FBXO17: variants seen among roughly 807,000 people sequenced by gnomAD.
FBXO17 encodes F-box protein 17.
FBXO17 carries 43 observed loss-of-function variants against 34.1 expected under a neutral mutation model. The ratio of observed to expected loss-of-function variants is 1.26; its 90% CI spans 0.99 to 1.62. FBXO17 has a LOEUF of 1.62. FBXO17 is among the 40% of genes most tolerant of loss of function. The pLI is 0.00. For missense variants in FBXO17, 424 were observed against 386.7 expected (o/e 1.10, Z -0.81); for synonymous variants, 169 against 166.0 (o/e 1.02, Z -0.14).
At chr19:38,947,808 C>T (rs944283796) in intron 3 of FBXO17, among the ~76,000 whole-genome samples, 5 of 151,882 alleles carry the variant, frequency 3.3e-5, no homozygotes, top group Admixed American at 2.0e-4. Context: ...AAGAGATCCT[C>T]CCACTTCGGC....
chr19:38,943,471 TG>T (rs557014333), intron 5 of FBXO17, among the ~76,000 whole-genome samples: 312 of 151,876 alleles, frequency 2.1e-3, no homozygotes, highest in Middle Eastern at 3.4e-3. Flanking sequence ...ACGGGGGTTT[TG>T]CCATGTTGGT....
chr19:38,972,342 C>T (rs1190181568), intron 1 of FBXO17, among the ~76,000 whole-genome samples: 5 of 152,080 alleles, frequency 3.3e-5, no homozygotes, highest in Non-Finnish European at 5.9e-5. Context: ...GTCAGGAGTT[C>T]GAGACCAGCC....
At chr19:38,942,861 G>T in intron 5 of FBXO17, 110 bp from the exon 6 acceptor site, 1 of 1,019,228 alleles carries the variant, frequency 9.8e-7, no homozygotes, top group Non-Finnish European at 1.3e-6. Flanking sequence ...GCGCTAGTTT[G>T]CTGGGGACGG....
At position 38,942,573 on chromosome 19, in the gene FBXO17, G is replaced by A; in HGVS notation, c.*35C>T. On this transcript the variant is annotated 3_prime_UTR_variant, in exon 6 of 6. Transcript: ENST00000292852. ...GCCACTGCACCTGGCTGCAAGGCTG[G>A]TCTTGACTGACAACGTCAGGCAGTA... 1 of 1,514,332 alleles carries A rather than the reference G, an allele frequency of 6.6e-7. No homozygotes were observed. The highest frequency in any genetic ancestry group is 2.5e-5 in the East Asian group (1 of 39,222). The allele number at this position is 1,514,332 out of a possible 1,614,324, so 93.8% of individuals were successfully genotyped here.
At chr19:38,959,275 C>T (rs113542147) in intron 1 of FBXO17, among the ~76,000 whole-genome samples, 5 of 58,774 alleles carry the variant, frequency 8.5e-5, no homozygotes, top group South Asian at 5.3e-4. Flanking sequence ...TTCTTTCTTT[C>T]TTTCTTTCTT....
chr19:38,954,052 T>C (rs953724483), intron 1 of FBXO17, among the ~76,000 whole-genome samples: 3 of 151,444 alleles, frequency 2.0e-5, no homozygotes, highest in African/African-American at 7.3e-5. Context: ...AAGGAGGGGA[T>C]CAGAGAAATG....
In FBXO17 at chr19:38,962,233, GC is replaced by G. The variant is rs371332496; in HGVS notation, c.-17-11898del. 8.2e-4 allele frequency among the ~76,000 whole-genome samples: 125 copies of G among 152,002 alleles called. 2 individuals carry two copies. The East Asian group carries it at 8.9e-3, about 11-fold the overall frequency. On this transcript the variant is annotated intron_variant, in intron 1 of 5. Coordinates refer to ENST00000292852, the MANE Select transcript of FBXO17 (RefSeq NM_024907.7). ...AAAAATAAATAATAATTGGAGTTTG[GC>G]CCTTTAAATCTTCTTCCTTTGCTGA...
At chr19:38,952,423 T>C (rs1975098454) in intron 1 of FBXO17, 1 of 427,656 alleles carries the variant, frequency 2.3e-6, no homozygotes, top group Non-Finnish European at 4.7e-6. Flanking sequence ...GTTACTTCTC[T>C]GAACATTCCT....
In FBXO17 at chr19:38,942,503, C is replaced by A; in HGVS notation, c.*105G>T. 8.0e-7 allele frequency: 1 copy of A among 1,251,672 alleles called. No individual in the cohort carries two copies. 77.5% of individuals were successfully genotyped at this position (1,251,672 alleles called of 1,614,324 possible). On this transcript the variant is annotated 3_prime_UTR_variant, in exon 6 of 6. Transcript: ENST00000292852. ...TCTTGAACTCCCGAGCTCCAGTGAT[C>A]CTCCCACCTCGGCCTCCTGAAGTGC...
chr19:38,942,888 G>T, intron 5 of FBXO17, 137 bp from the exon 6 acceptor site: 1 of 1,071,222 alleles, frequency 9.3e-7, no homozygotes, highest in Non-Finnish European at 1.3e-6. Flanking sequence ...GAATAAAACC[G>T]GAAAAGGACC....
At chr19:38,950,830 C>T (rs1420455036) in intron 1 of FBXO17, among the ~76,000 whole-genome samples, 1 of 151,992 alleles carries the variant, frequency 6.6e-6, no homozygotes, top group Non-Finnish European at 1.5e-5. Flanking sequence ...TGCTCTGTTG[C>T]CCAGGCTAGA....
intron 1 of FBXO17, among the ~76,000 whole-genome samples, chr19:38,958,022 C>T (rs1286249912): frequency 1.3e-5 from 2 of 150,706 alleles, no homozygotes; most frequent in Non-Finnish European, 3.0e-5. Flanking sequence ...AGAAGGATCA[C>T]CTGAGCCAGG....
Position 38,968,351 on chromosome 19 carries a change from T to C in FBXO17, c.-18+7235A>G, listed in dbSNP as rs780978421. Among the ~76,000 whole-genome samples, 167 of 151,834 alleles carry C rather than the reference T, an allele frequency of 1.1e-3. 2 individuals are homozygous for C. Among genetic ancestry groups the C allele is most frequent in the Non-Finnish European group, 2.1e-3 (142 of 67,928 alleles). On this transcript the variant is annotated intron_variant, in intron 1 of 5. Coordinates refer to ENST00000292852, the MANE Select transcript of FBXO17 (RefSeq NM_024907.7). ...AAAAGTTGAACATGGCTGGGTGCAG[T>C]GGCTCATGCCTGTAATGTCAGCACT...
At chr19:38,951,180 C>T (rs1375556539) in intron 1 of FBXO17, among the ~76,000 whole-genome samples, 1 of 152,066 alleles carries the variant, frequency 6.6e-6, no homozygotes, top group East Asian at 1.9e-4. Context: ...ACTCAGATGT[C>T]TGCAGTGGTC....
At chr19:38,954,689 C>T (rs1203827696) in intron 1 of FBXO17, among the ~76,000 whole-genome samples, 3 of 148,952 alleles carry the variant, frequency 2.0e-5, no homozygotes, top group Admixed American at 6.8e-5. Flanking sequence ...AAGCAATTCT[C>T]CTGCCTCAGC....
chr19:38,950,795 ATT>A (rs955657868), intron 1 of FBXO17, among the ~76,000 whole-genome samples: 1 of 148,150 alleles, frequency 6.7e-6, no homozygotes, highest in African/African-American at 2.5e-5. Context: ...TTTGTCAAAG[ATT>A]TTTTTTTTTT....
At chr19:38,961,873 G>A (rs1445809437) in intron 1 of FBXO17, among the ~76,000 whole-genome samples, 8 of 152,074 alleles carry the variant, frequency 5.3e-5, no homozygotes, top group Middle Eastern at 3.4e-3. Flanking sequence ...ATGTTGGCCA[G>A]GCTGGTCTTG....
chr19:38,971,188 C>T (rs553885977), intron 1 of FBXO17, among the ~76,000 whole-genome samples: 1 of 152,192 alleles, frequency 6.6e-6, no homozygotes, highest in South Asian at 2.1e-4. Context: ...TCTAATAACC[C>T]CTGCCCCTCA....
In FBXO17 at chr19:38,950,198, C is replaced by T; in HGVS notation, c.122G>A (p.Arg41Gln). ...SHVPPRSLVT[R>Q]CRPVCRAWRD... ...CCAGGCGCGGCACACTGGGCGGCAT[C>T]GCGTGACCAAGGAGCGTGGCGGCAC... The change falls in exon 2 of 6, where the codon CGA becomes CAA. Residue 41 changes from arginine to glutamine, a missense_variant. Physicochemically the swap from Arg to Gln is conservative, Grantham distance 43 (BLOSUM62 1). Coordinates refer to ENST00000292852, the MANE Select transcript of FBXO17 (RefSeq NM_024907.7). 1.3e-6 allele frequency: 2 copies of T among 1,554,288 alleles called. No homozygotes were observed. Among genetic ancestry groups the T allele is most frequent in the Non-Finnish European group, 1.7e-6 (2 of 1,157,238 alleles).
Sources: gnomAD v4.1 joint callset for allele counts (sites outside exome capture counted in the v4.1 genomes callset) on GRCh38, gnomAD v4.1.1 for gene constraint, MANE v1.5 for transcripts, NCBI Gene and HGNC (gene_info 2026-07-23, HGNC 2026-07-21) for gene names.